The following MEX3B variants were observed in gnomAD, a reference collection of about 807,000 sequenced individuals.
MEX3B encodes the protein RNA-binding protein MEX3B.
Under a neutral mutation model 12.2 loss-of-function variants are expected in MEX3B, and 10 were observed. The observed-to-expected ratio is 0.82, with a 90% CI of 0.51 to 1.40. The LOEUF (loss-of-function observed/expected upper bound fraction) is 1.40. Among genes scored for constraint, MEX3B ranks in the 40% most tolerant of loss-of-function variants. The probability of loss-of-function intolerance (pLI) is 0.00; values close to 1 mark genes in which losing one functional copy is unlikely to be tolerated. For missense variants in MEX3B, 839 were observed against 801.4 expected, an observed-to-expected ratio of 1.05 and a Z score of -0.57; for synonymous variants, 498 against 356.3, an observed-to-expected ratio of 1.40 and a Z score of -4.48.
intron 1 of MEX3B, 35 bp downstream of exon 1, chr15:82,045,415 A>ACCCCCCCCCCCCCCCCCCACCCCCCC: frequency 6.5e-7 from 1 of 1,530,528 alleles, no homozygotes; most frequent in Non-Finnish European, 8.9e-7. Context: ...ACCCTACACC[A>ACCCCCCCCCCCCCCCCCCACCCCCCC]CCCCCACCCA....
At chr15:82,045,172 A>G (rs1428820686) in intron 1 of MEX3B, 1 of 615,390 alleles carries the variant, frequency 1.6e-6, no homozygotes, top group African/African-American at 1.8e-5. Flanking sequence ...TCTTACATTT[A>G]AATTGTCTTT....
In MEX3B at chr15:82,043,108, G is replaced by A. The variant is rs574614136; in HGVS notation, c.*52C>T. On this transcript the variant is annotated 3_prime_UTR_variant, in exon 2 of 2. Coordinates refer to ENST00000329713, the MANE Select transcript of MEX3B (RefSeq NM_032246.6). ...GCGAGCGCTGGGGAAAGAGGGTGGGGAGGGGTTCCCCCTTCCCCCAGCACG... is the reference window on the plus strand; with the variant it reads ...GCGAGCGCTGGGGAAAGAGGGTGGGAAGGGGTTCCCCCTTCCCCCAGCACG... 1.3e-5 allele frequency: 18 copies of A among 1,417,604 alleles called. No individual in the cohort carries two copies. The African/African-American group carries it at 1.3e-4, about 10-fold the overall frequency. The allele number at this position is 1,417,604 out of a possible 1,614,324, so 87.8% of individuals were successfully genotyped here. A position where few individuals can be genotyped will look rare whatever the true frequency, so the allele number is the denominator to read the frequency against.
At position 82,043,770 on chromosome 15, in the gene MEX3B, G is replaced by A; in HGVS notation, c.1100C>T (p.Pro367Leu). The A allele has an allele frequency of 6.4e-7, 1 of 1,571,726 alleles. No homozygotes were observed. Among genetic ancestry groups the A allele is most frequent in the Non-Finnish European group, 8.6e-7 (1 of 1,160,358 alleles). ...PELQPTFDPAPAPPPGAPLIW... is the reference protein window; with the variant it reads ...PELQPTFDPALAPPPGAPLIW... The stretch of plus-strand genomic sequence containing the variant: ...AAGTGGTGCCCCAGGTGGGGGAGCG[G>A]GAGCCGGGTCAAAAGTGGGCTGCAG... The change falls in exon 2 of 2, where the codon CCC becomes CTC. Residue 367 changes from proline (P) to leucine (L), a missense_variant. By Grantham distance (98) the Pro-to-Leu change is moderately conservative (BLOSUM62 -3). Coordinates refer to ENST00000329713, the MANE Select transcript of MEX3B (RefSeq NM_032246.6).
Position 82,043,066 on chromosome 15 carries a change from G to A in MEX3B, c.*94C>T. On this transcript the variant is annotated 3_prime_UTR_variant, in exon 2 of 2. Transcript: ENST00000329713. ...GCCGGGAAGGAGAAGGGAGAGGGGG[G>A]GCACCCAGGGAGGCAGGCGAGCGCT... The A allele has an allele frequency of 1.7e-6, 2 of 1,157,294 alleles. No individual in the cohort carries two copies. Among genetic ancestry groups the A allele is most frequent in the Non-Finnish European group, 2.3e-6 (2 of 883,218 alleles). 71.7% of individuals were successfully genotyped at this position (1,157,294 alleles called of 1,614,324 possible).
chr15:82,044,620 A>T lies in MEX3B; in HGVS notation c.257-7T>A. 6.2e-7 allele frequency: 1 copy of T among 1,613,974 alleles called. No homozygotes were observed. Among genetic ancestry groups the T allele is most frequent in the South Asian group, 1.1e-5 (1 of 91,072 alleles). On this transcript the variant is annotated splice_region_variant and splice_polypyrimidine_tract_variant and intron_variant, in intron 1 of 1. Coordinates refer to ENST00000329713, the MANE Select transcript of MEX3B (RefSeq NM_032246.6). The surrounding 1 kb of genome is among the most constrained non-coding windows in gnomAD (Gnocchi z 5.3). ...AGCGCTTTGATTTTACAACCTACGA[A>T]CCAGGGTGCGGAGGAGGGAGTGGGA...
chr15:82,045,042 T>C (rs2073248063), intron 1 of MEX3B: 2 of 588,352 alleles, frequency 3.4e-6, no homozygotes, highest in Non-Finnish European at 6.0e-6. Context: ...CCGGGACCCA[T>C]TGTTCCTCCT....
chr15:82,043,907 A>AG lies in MEX3B; in HGVS notation c.962dup (p.Ser322Ter), dbSNP rs745465397. 1.9e-6 allele frequency: 3 copies of AG among 1,597,674 alleles called. No homozygotes were observed. The highest frequency in any genetic ancestry group is 1.3e-5 in the African/African-American group (1 of 74,838). ...TGTGCGCAAAGCTCAGGGCGGGGCT[A>AG]GGGGGGCTGTAGTCCGCCAGGCGCT... On this transcript the variant is annotated frameshift_variant, in exon 2 of 2. Transcript: ENST00000329713. LOFTEE classifies it low-confidence loss of function (END_TRUNC).
rs1404160989 is a variant in MEX3B at position 82,045,517 on chromosome 15, G to A, written c.189C>T (p.Ser63=). 21 of 1,612,174 alleles carry A rather than the reference G, an allele frequency of 1.3e-5. No homozygotes were observed. The highest frequency in any genetic ancestry group is 1.8e-5 in the Non-Finnish European group (21 of 1,179,804). The change falls in exon 1 of 2, where the codon AGC becomes AGT. Residue 63 remains serine, a synonymous_variant. Transcript: ENST00000329713. ...CTGGCACGCACTCGGTCATGTTCAC[G>A]CTCTTCTTGCGCGGCTCGCTGTCGT... ...SLYDSEPRKK[S]VNMTECVPVP...
At position 82,043,553 on chromosome 15, in the gene MEX3B, C is replaced by T. The variant is rs2141169479; in HGVS notation, c.1317G>A (p.Pro439=). The T allele has an allele frequency of 6.5e-7, 1 of 1,537,142 alleles. No homozygotes were observed. Among genetic ancestry groups the T allele is most frequent in the Non-Finnish European group, 8.7e-7 (1 of 1,144,456 alleles). Residue 439 remains proline, a synonymous_variant, in exon 2 of 2, where the codon CCG becomes CCA. Transcript: ENST00000329713. ...HRRLHPGTSC[P]RLSPPLHMAP... Reference sequence around the variant, plus strand: ...CCATGTGCAAGGGTGGAGACAGGCGCGGGCAGCTGGTGCCAGGGTGCAGCC... The same window carrying T: ...CCATGTGCAAGGGTGGAGACAGGCGTGGGCAGCTGGTGCCAGGGTGCAGCC...
Position 82,043,540 on chromosome 15 carries a change from G to A in MEX3B, c.1330C>T (p.Pro444Ser), listed in dbSNP as rs1192113577. The change falls in exon 2 of 2, where the codon CCC becomes TCC. Residue 444 changes from proline (P) to serine (S), a missense_variant. By Grantham distance (74) the Pro-to-Ser change is moderately conservative. Coordinates refer to ENST00000329713, the MANE Select transcript of MEX3B (RefSeq NM_032246.6). ...CCCGCCCCCGGGGCCATGTGCAAGG[G>A]TGGAGACAGGCGCGGGCAGCTGGTG... ...PGTSCPRLSP[P>S]LHMAPGAGEH... 3 of 1,529,136 alleles carry A rather than the reference G, an allele frequency of 2.0e-6. No individual in the cohort carries two copies. The highest frequency in any genetic ancestry group is 2.8e-5 in the African/African-American group (2 of 72,256). The allele number at this position is 1,529,136 out of a possible 1,614,324, so 94.7% of individuals were successfully genotyped here. A position where few individuals can be genotyped will look rare whatever the true frequency, so the allele number is the denominator to read the frequency against.
chr15:82,045,475 A>G lies in MEX3B; in HGVS notation c.231T>C (p.His77=). 4 of 1,605,436 alleles carry G rather than the reference A, an allele frequency of 2.5e-6. No homozygotes were observed. The highest frequency in any genetic ancestry group is 3.4e-6 in the Non-Finnish European group (4 of 1,177,008). Reference sequence around the variant, plus strand: ...CTTGCCGCCCCACGATCTCGGCGACATGCTCAGAACTGGGTACTGGCACGC... The same window carrying G: ...CTTGCCGCCCCACGATCTCGGCGACGTGCTCAGAACTGGGTACTGGCACGC... ...TECVPVPSSE[H]VAEIVGRQGC... The change falls in exon 1 of 2, where the codon CAT becomes CAC. Residue 77 remains histidine (H), a synonymous_variant. Coordinates refer to ENST00000329713, the MANE Select transcript of MEX3B (RefSeq NM_032246.6).
At position 82,044,131 on chromosome 15, in the gene MEX3B, C is replaced by T. The variant is rs978499828; in HGVS notation, c.739G>A (p.Asp247Asn). 1 of 1,613,616 alleles carries T rather than the reference C, an allele frequency of 6.2e-7. No homozygotes were observed. Among genetic ancestry groups the T allele is most frequent in the Non-Finnish European group, 8.5e-7 (1 of 1,180,018 alleles). The change falls in exon 2 of 2, where the codon GAT (aspartate) becomes AAT (asparagine). Residue 247 changes from aspartate to asparagine, a missense_variant. This residue lies in a region of MEX3B where 573 missense variants were observed against 488.9 expected (regional missense o/e 1.17). Transcript: ENST00000329713. The surrounding 1 kb of genome is among the most constrained non-coding windows in gnomAD (Gnocchi z 5.3). ...CCATGATGCAGATCGAAGCCCACAT[C>T]GGTGCCGTTGGCGTGGAAGTCGTTC... The part of the protein sequence containing the change: ...DENDFHANGT[D>N]VGFDLHHGSG...
In MEX3B at chr15:82,043,838, C is replaced by G. The variant is rs781410998; in HGVS notation, c.1032G>C (p.Ala344=). 2 of 1,592,044 alleles carry G rather than the reference C, an allele frequency of 1.3e-6. No homozygotes were observed. The highest frequency in any genetic ancestry group is 1.7e-5 in the Admixed American group (1 of 57,346). ...NNNGNGYTYT[A]GGEASVPSPD... The stretch of plus-strand genomic sequence containing the variant: ...GGGATGGCACTGAGGCTTCTCCCCC[C>G]GCTGTGTAGGTGTACCCATTGCCGT... Residue 344 remains alanine, a synonymous_variant, in exon 2 of 2, where the codon GCG becomes GCC. Coordinates refer to ENST00000329713, the MANE Select transcript of MEX3B (RefSeq NM_032246.6).
In MEX3B at chr15:82,044,804, G is replaced by C. The variant is rs1482212353; in HGVS notation, c.257-191C>G. The C allele has an allele frequency of 1.6e-6, 1 of 633,194 alleles. No individual in the cohort carries two copies. Among genetic ancestry groups the C allele is most frequent in the East Asian group, 2.7e-5 (1 of 36,598 alleles). The allele number at this position is 633,194 out of a possible 1,614,324, so 39.2% of individuals were successfully genotyped here. A position where few individuals can be genotyped will look rare whatever the true frequency, so the allele number is the denominator to read the frequency against. ...ACGGGCTGGGCAGCGGATCCCACCC[G>C]CGAGGCGCTCGAGGAACAGCCCATT... On this transcript the variant is annotated intron_variant, in intron 1 of 1. Transcript: ENST00000329713. This position sits in a 1 kb window ranked among gnomAD's most constrained non-coding sequence, Gnocchi z 5.3.
intron 1 of MEX3B, 35 bp downstream of exon 1, chr15:82,045,415 A>ACCCCCCC: frequency 2.7e-5 from 42 of 1,530,446 alleles, no homozygotes; most frequent in Non-Finnish European, 3.6e-5. Context: ...ACCCTACACC[A>ACCCCCCC]CCCCCACCCA....
In MEX3B at chr15:82,044,218, G is replaced by T. The variant is rs139867622; in HGVS notation, c.652C>A (p.Arg218=). The T allele has an allele frequency of 1.2e-6, 2 of 1,613,924 alleles. No individual in the cohort carries two copies. The highest frequency in any genetic ancestry group is 2.7e-5 in the African/African-American group (2 of 74,926). ...TGMPENVDRA[R]EEIEAHIALR... is the part of the protein sequence containing the mutation. ...GCAATGTGCGCCTCAATCTCCTCTC[G>T]AGCGCGATCCACGTTCTCTGGCATG... Residue 218 remains arginine (R), a synonymous_variant, in exon 2 of 2, where the codon CGA becomes AGA. Coordinates refer to ENST00000329713, the MANE Select transcript of MEX3B (RefSeq NM_032246.6). This position sits in a 1 kb window ranked among gnomAD's most constrained non-coding sequence, Gnocchi z 5.3.
rs768050582 is a variant in MEX3B at position 82,045,628 on chromosome 15, C to T, written c.78G>A (p.Glu26=). 1.3e-6 allele frequency: 2 copies of T among 1,595,820 alleles called. No homozygotes were observed. The highest frequency in any genetic ancestry group is 1.7e-5 in the Admixed American group (1 of 58,772). Reference sequence around the variant, plus strand: ...GCAGGGCTCTTTGGTCATCCAGGGTCTCTCCCCCTCCGCTGCTGCCGCCGC... The same window carrying T: ...GCAGGGCTCTTTGGTCATCCAGGGTTTCTCCCCCTCCGCTGCTGCCGCCGC... ...GGGGGSSGGG[E]TLDDQRALQL... The change falls in exon 1 of 2, where the codon GAG becomes GAA. Residue 26 remains glutamate, a synonymous_variant. Coordinates refer to ENST00000329713, the MANE Select transcript of MEX3B (RefSeq NM_032246.6).
rs750605739 is a variant in MEX3B at position 82,043,515 on chromosome 15, C to G, written c.1355G>C (p.Gly452Ala). Residue 452 changes from glycine (G) to alanine (A), a missense_variant, in exon 2 of 2, where the codon GGA (glycine) becomes GCA (alanine). Around this residue, in one of 3 missense-constraint regions of MEX3B, gnomAD observed 573 missense variants for 488.9 expected, o/e 1.17. Transcript: ENST00000329713. The part of the protein sequence containing the change: ...SPPLHMAPGA[G>A]EHHLARRVRS... ...CACCCGGCGAGCCAGGTGGTGCTCT[C>G]CCGCCCCCGGGGCCATGTGCAAGGG... 31 of 1,515,874 alleles carry G rather than the reference C, an allele frequency of 2.0e-5. No homozygotes were observed. The highest frequency in any genetic ancestry group is 2.7e-5 in the Non-Finnish European group (30 of 1,131,648). The allele number at this position is 1,515,874 out of a possible 1,614,324, so 93.9% of individuals were successfully genotyped here.
chr15:82,044,927 G>A lies in MEX3B; in HGVS notation c.257-314C>T. 1.7e-6 allele frequency: 1 copy of A among 576,404 alleles called. No individual in the cohort carries two copies. Among genetic ancestry groups the A allele is most frequent in the South Asian group, 2.1e-5 (1 of 48,660 alleles). 35.7% of individuals were successfully genotyped at this position (576,404 alleles called of 1,614,324 possible). A position where few individuals can be genotyped will look rare whatever the true frequency, so the allele number is the denominator to read the frequency against. ...GGAGATGCCGCTGGGATCCAGCTGG[G>A]CGCGCCGTCAGCTCTGAAGACACGG... On this transcript the variant is annotated intron_variant, in intron 1 of 1. Transcript: ENST00000329713. This position sits in a 1 kb window ranked among gnomAD's most constrained non-coding sequence, Gnocchi z 5.3.
Sources: allele counts gnomAD v4.1 joint callset, GRCh38; gene constraint gnomAD v4.1.1; regional missense constraint gnomAD v4.1.1; non-coding constraint Gnocchi (gnomAD v3.1); transcripts MANE v1.5; gene names NCBI Gene and HGNC (gene_info 2026-07-23, HGNC 2026-07-21).